SEMA6D: variants seen among roughly 807,000 people sequenced by gnomAD.
SEMA6D encodes the protein semaphorin-6D.
Under a neutral mutation model 106.6 loss-of-function variants are expected in SEMA6D, and 35 were observed. The observed-to-expected ratio is 0.33, with a 90% CI of 0.25 to 0.44. The LOEUF (loss-of-function observed/expected upper bound fraction) is 0.44. Ranked by LOEUF, SEMA6D falls within the 20% of genes least tolerant of loss-of-function variation. The probability of loss-of-function intolerance (pLI) is 1.00; values close to 1 mark genes in which losing one functional copy is unlikely to be tolerated. For missense variants in SEMA6D, 1,185 were observed against 1,345.9 expected (o/e 0.88, Z 1.87); for synonymous variants, 499 against 487.7 (o/e 1.02, Z -0.31).
At chr15:47,430,925 G>T (rs987432953) in intron 2 of SEMA6D, among the ~76,000 whole-genome samples, 2 of 152,104 alleles carry the variant, frequency 1.3e-5, no homozygotes, top group African/African-American at 4.8e-5. Context: ...AACTCAGATG[G>T]TCATGAGCCC....
At chr15:47,194,065 GGATGGAT>G (rs1367571870) in intron 1 of SEMA6D, among the ~76,000 whole-genome samples, 7 of 143,512 alleles carry the variant, frequency 4.9e-5, no homozygotes, top group African/African-American at 1.8e-4. Flanking sequence ...GTGGGTAGGT[GGATGGAT>G]GGATGGGTGG....
At chr15:47,750,683 A>G (rs1364178995) in intron 1 of SEMA6D, among the ~76,000 whole-genome samples, 5 of 152,198 alleles carry the variant, frequency 3.3e-5, no homozygotes, top group Non-Finnish European at 1.5e-5. Flanking sequence ...GCAGAGTTTT[A>G]GACGGTTAAT....
At chr15:47,764,327 G>C (rs367950857) in intron 11 of SEMA6D, 22 bp downstream of exon 11, 5 of 1,606,950 alleles carry the variant, frequency 3.1e-6, no homozygotes, top group Admixed American at 3.4e-5. Flanking sequence ...AGTAGAAAAG[G>C]GTTTTGTCTT....
intron 1 of SEMA6D, among the ~76,000 whole-genome samples, chr15:47,343,826 T>C (rs1162962839): frequency 6.6e-6 from 1 of 152,150 alleles, no homozygotes; most frequent in Non-Finnish European, 1.5e-5. Context: ...AGAAAATTTT[T>C]GCAACCTACT....
At chr15:47,471,314 C>T (rs1302757913) in intron 3 of SEMA6D, among the ~76,000 whole-genome samples, 1 of 152,142 alleles carries the variant, frequency 6.6e-6, no homozygotes, top group Non-Finnish European at 1.5e-5. Flanking sequence ...TTGTTCATCT[C>T]CATAAATATA....
intron 1 of SEMA6D, among the ~76,000 whole-genome samples, chr15:47,740,450 G>T (rs928101718): frequency 6.6e-6 from 1 of 152,098 alleles, no homozygotes; most frequent in South Asian, 2.1e-4. Context: ...AACCCGGGAG[G>T]TGGAGGCTGC....
intron 3 of SEMA6D, among the ~76,000 whole-genome samples, chr15:47,500,437 A>G (rs1225858752): frequency 2.0e-5 from 3 of 152,142 alleles, no homozygotes; most frequent in East Asian, 1.9e-4. Flanking sequence ...AGTATAATCA[A>G]TGCATATGAA....
chr15:47,574,190 C>A (rs921105434), intron 3 of SEMA6D, among the ~76,000 whole-genome samples: 1 of 152,156 alleles, frequency 6.6e-6, no homozygotes, highest in Non-Finnish European at 1.5e-5. Context: ...ATATTAGGAC[C>A]TGTAAAGTTG....
At chr15:47,537,455 A>G (rs1258360084) in intron 3 of SEMA6D, among the ~76,000 whole-genome samples, 1 of 152,218 alleles carries the variant, frequency 6.6e-6, no homozygotes, top group African/African-American at 2.4e-5. Context: ...ACTTAGGTTG[A>G]AGCATTATGA....
chr15:47,194,267 G>T (rs1196392850), intron 1 of SEMA6D, among the ~76,000 whole-genome samples: 1 of 152,102 alleles, frequency 6.6e-6, no homozygotes, highest in Non-Finnish European at 1.5e-5. Context: ...GATACAGAAG[G>T]TTAAGTTATT....
chr15:47,765,088 A>C (rs1167196636), intron 13 of SEMA6D, 32 bp downstream of exon 13: 1 of 1,601,566 alleles, frequency 6.2e-7, no homozygotes, highest in Non-Finnish European at 8.5e-7. Context: ...GCCCTTCAGC[A>C]CTGCTCAAAA....
rs978578261 is a variant in SEMA6D, at chr15:47,467,687, C to G, written c.-158-2787C>G. ...CTTTTTTACACATCATGGCATTTTG[C>G]TAGGGATTAACTCATTGTCTCTTTT... On this transcript the variant is annotated intron_variant, in intron 2 of 19. Coordinates refer to the SEMA6D transcript ENST00000558014. Among the ~76,000 whole-genome samples, 3 of 152,206 alleles carry G rather than the reference C, an allele frequency of 2.0e-5. No individual in the cohort carries two copies. The South Asian group carries it at 6.2e-4, about 32-fold the overall frequency.
intron 3 of SEMA6D, among the ~76,000 whole-genome samples, chr15:47,575,576 G>T (rs1435846101): frequency 6.6e-6 from 1 of 152,126 alleles, no homozygotes; most frequent in African/African-American, 2.4e-5. Flanking sequence ...AAAATTAGCT[G>T]GGCATGGTGG....
chr15:47,190,540 T>C (rs755432868), intron 1 of SEMA6D, among the ~76,000 whole-genome samples: 2 of 152,182 alleles, frequency 1.3e-5, no homozygotes, highest in African/African-American at 4.8e-5. Context: ...AGCTCCAAGT[T>C]TGGCCTTTCT....
At chr15:47,252,387 C>T (rs947987957) in intron 1 of SEMA6D, among the ~76,000 whole-genome samples, 2 of 152,132 alleles carry the variant, frequency 1.3e-5, no homozygotes, top group African/African-American at 4.8e-5. Flanking sequence ...CCTTTATCAT[C>T]TCTTTGTGGT....
At chr15:47,515,855 A>G (rs186427068) in intron 3 of SEMA6D, among the ~76,000 whole-genome samples, 3 of 152,296 alleles carry the variant, frequency 2.0e-5, no homozygotes, top group African/African-American at 7.2e-5. Context: ...TGTGGGCCAG[A>G]TGTGGAGCAG....
chr15:47,376,964 C>T (rs1043201487), intron 1 of SEMA6D, among the ~76,000 whole-genome samples: 1 of 152,080 alleles, frequency 6.6e-6, no homozygotes, highest in African/African-American at 2.4e-5. Context: ...AAACTGATGC[C>T]TGATAATTAA....
At chr15:47,354,766 G>T (rs1353398422) in intron 1 of SEMA6D, among the ~76,000 whole-genome samples, 5 of 151,954 alleles carry the variant, frequency 3.3e-5, no homozygotes, top group Admixed American at 3.3e-4. Flanking sequence ...AAGCCGACTT[G>T]CATGGTCTAC....
At chr15:47,447,953 C>G (rs1215757528) in intron 2 of SEMA6D, among the ~76,000 whole-genome samples, 1 of 152,144 alleles carries the variant, frequency 6.6e-6, no homozygotes, top group Non-Finnish European at 1.5e-5. Flanking sequence ...AAAACCCTTA[C>G]ACATTTGGTC....
Sources: allele counts gnomAD v4.1 joint callset (sites outside exome capture counted in the v4.1 genomes callset), GRCh38; gene constraint gnomAD v4.1.1; transcripts MANE v1.5; gene names NCBI Gene and HGNC (gene_info 2026-07-23, HGNC 2026-07-21).